The following ZNF248 variants were observed in gnomAD, a reference collection of about 807,000 sequenced individuals.
ZNF248 encodes KRAB protein domain.
ZNF248 carries 20 observed loss-of-function variants against 44.3 expected under a neutral mutation model. The ratio of observed to expected loss-of-function variants is 0.45; its 90% CI spans 0.32 to 0.66. The LOEUF (loss-of-function observed/expected upper bound fraction) is 0.66, where lower values mean the gene tolerates loss of function less well. Ranked by LOEUF, ZNF248 falls within the 30% of genes least tolerant of loss-of-function variation. The pLI is 0.04. For missense variants in ZNF248, 654 were observed against 677.0 expected, an observed-to-expected ratio of 0.97 and a Z score of 0.38; for synonymous variants, 224 against 229.0, an observed-to-expected ratio of 0.98 and a Z score of 0.20.
chr10:37,824,673 A>ATTTTTTTTTTTTTTTTTTTTT (rs755411927), downstream of ZNF248, among the ~76,000 whole-genome samples: 71 of 79,726 alleles, frequency 8.9e-4, 13 homozygotes, highest in African/African-American at 1.5e-3. Context: ...ATTATTTTAA[A>ATTTTTTTTTTTTTTTTTTTTT]TTTTTTTTTT....
chr10:37,844,458 A>G (rs1031165458), intron 3 of ZNF248, among the ~76,000 whole-genome samples: 8 of 152,216 alleles, frequency 5.3e-5, no homozygotes, highest in Non-Finnish European at 7.4e-5. Flanking sequence ...AGCATTTTGC[A>G]TTTTGTAAGT....
downstream of ZNF248, chr10:37,776,414 CTG>C (rs771381189): frequency 1.5e-5 from 6 of 389,794 alleles, no homozygotes; most frequent in Non-Finnish European, 2.3e-5. Flanking sequence ...GCTGTGCAAA[CTG>C]TCAGGCTCTG....
rs117493915 is a variant in ZNF248, at chr10:37,809,606, A to G, written c.330+23419T>C. Reference sequence around the variant, plus strand: ...AGTTAGCTCTTTTTCTGGGTCCTTAAGATGTAATGTTAGATAACTGATTTG... The same window carrying G: ...AGTTAGCTCTTTTTCTGGGTCCTTAGGATGTAATGTTAGATAACTGATTTG... On this transcript the variant is annotated intron_variant, in intron 6 of 6. Transcript: ENST00000615949. Among the ~76,000 whole-genome samples, 373 of 152,266 alleles carry G rather than the reference A, an allele frequency of 2.4e-3. 1 individual carries two copies. Among genetic ancestry groups the G allele is most frequent in the Non-Finnish European group, 4.1e-3 (280 of 68,016 alleles).
chr10:37,796,118 T>C (rs2049125794), intron 6 of ZNF248: 1 of 152,148 alleles, frequency 6.6e-6, no homozygotes, highest in African/African-American at 2.4e-5. Flanking sequence ...GATTAACTGA[T>C]ATATCTAACT....
In ZNF248 at chr10:37,829,439, T is replaced by G. The variant is rs2055026026; in HGVS notation, c.*2176A>C. The G allele has an allele frequency of 1.0e-6, 1 of 985,282 alleles. No homozygotes were observed. Among genetic ancestry groups the G allele is most frequent in the South Asian group, 4.7e-5 (1 of 21,288 alleles). 61.0% of individuals were successfully genotyped at this position (985,282 alleles called of 1,614,324 possible). The stretch of plus-strand genomic sequence containing the variant: ...TACAAACAGCCATCCCTATATTAAC[T>G]TGTGAAAAGAAATAATTCTTCCCCC... On this transcript the variant is annotated 3_prime_UTR_variant, in exon 6 of 6. Transcript: ENST00000395867.
At chr10:37,771,322 C>T in the ZNF248 span, among the ~76,000 whole-genome samples, 2 of 152,074 alleles carry the variant, frequency 1.3e-5, no homozygotes, top group Admixed American at 6.6e-5. Flanking sequence ...CACATGCACA[C>T]GTATGTTTAT....
intron 3 of ZNF248, among the ~76,000 whole-genome samples, chr10:37,846,438 G>A (rs746202468): frequency 3.2e-4 from 49 of 152,042 alleles, no homozygotes; most frequent in African/African-American, 1.1e-3. Flanking sequence ...GTTCGAGACC[G>A]GCTTGGTCAA....
intron 3 of ZNF248, among the ~76,000 whole-genome samples, chr10:37,853,496 G>GT (rs1392760612): frequency 2.0e-5 from 3 of 152,124 alleles, no homozygotes; most frequent in Non-Finnish European, 4.4e-5. Flanking sequence ...TCCTGCCTCA[G>GT]CCTCCCGAGT....
intron 6 of ZNF248, chr10:37,820,052 CATCT>C: frequency 1.2e-6 from 1 of 815,290 alleles, no homozygotes; most frequent in Non-Finnish European, 2.2e-6. Context: ...CATTGTCACA[CATCT>C]ATTTAATCAT....
chr10:37,849,838 C>CA (rs1193812939), intron 3 of ZNF248, among the ~76,000 whole-genome samples: 2 of 151,970 alleles, frequency 1.3e-5, no homozygotes, highest in Admixed American at 1.3e-4. Flanking sequence ...TTTGGAAGGC[C>CA]AAGGCATGTG....
At chr10:37,817,637 G>T (rs939353759) in intron 6 of ZNF248, among the ~76,000 whole-genome samples, 1 of 152,072 alleles carries the variant, frequency 6.6e-6, no homozygotes, top group African/African-American at 2.4e-5. Context: ...TTGCTAATAT[G>T]GGTTTCACTT....
intron 3 of ZNF248, among the ~76,000 whole-genome samples, chr10:37,842,951 G>A (rs1355616232): frequency 1.3e-5 from 2 of 152,164 alleles, no homozygotes; most frequent in Non-Finnish European, 2.9e-5. Flanking sequence ...AGGACACGAA[G>A]GCTAAAGCAA....
rs1235383597 is a variant in ZNF248 at position 37,837,646 on chromosome 10, T to A, written c.209A>T (p.Glu70Val). Reference protein sequence around the residue: ...IEQGEEPWILEKGFPSQCHPE... With the variant: ...IEQGEEPWILVKGFPSQCHPE... ...GTGGCACTGGCTTGGGAATCCTTTT[T>A]CTAATATCCAGGGCTCTTCTCCTTG... Residue 70 changes from glutamate to valine, a missense_variant, in exon 5 of 6, where the codon GAA (glutamate) becomes GTA (valine). Coordinates refer to ENST00000395867, the MANE Select transcript of ZNF248 (RefSeq NM_021045.3). The A allele has an allele frequency of 6.8e-6, 11 of 1,613,984 alleles. No individual in the cohort carries two copies. Among genetic ancestry groups the A allele is most frequent in the Non-Finnish European group, 9.3e-6 (11 of 1,180,028 alleles).
chr10:37,779,321 C>A (rs1323108871), intron 6 of ZNF248, among the ~76,000 whole-genome samples: 2 of 152,172 alleles, frequency 1.3e-5, no homozygotes, highest in African/African-American at 4.8e-5. Flanking sequence ...CCACCATGAT[C>A]AAGTGGGCAT....
chr10:37,842,816 T>G (rs1015072850), intron 3 of ZNF248, among the ~76,000 whole-genome samples: 1 of 152,102 alleles, frequency 6.6e-6, no homozygotes, highest in Non-Finnish European at 1.5e-5. Flanking sequence ...AATTTGGGCT[T>G]TCAAAAAACC....
chr10:37,825,390 A>C (rs990671795), downstream of ZNF248, among the ~76,000 whole-genome samples: 2 of 151,112 alleles, frequency 1.3e-5, no homozygotes, highest in Non-Finnish European at 2.9e-5. Flanking sequence ...TTTTTTTAAC[A>C]AAAAAAAGAA....
chr10:37,773,329 A>G (rs1398098850), downstream of ZNF248, among the ~76,000 whole-genome samples: 4 of 152,212 alleles, frequency 2.6e-5, no homozygotes, highest in Non-Finnish European at 5.9e-5. Flanking sequence ...AGTATCCTCA[A>G]TTATACTCAA....
chr10:37,827,211 A>G (rs1223101443), downstream of ZNF248, among the ~76,000 whole-genome samples: 1 of 152,200 alleles, frequency 6.6e-6, no homozygotes, highest in Non-Finnish European at 1.5e-5. Context: ...GCAAGCCTTT[A>G]CTAGGGGTCT....
chr10:37,822,656 G>A (rs1265132719), intron 6 of ZNF248, among the ~76,000 whole-genome samples: 1 of 150,614 alleles, frequency 6.6e-6, no homozygotes, highest in Admixed American at 6.6e-5. Context: ...TTGATCAGGG[G>A]TGTCCAATCT....
Sources: allele counts gnomAD v4.1 joint callset (sites outside exome capture counted in the v4.1 genomes callset), GRCh38; gene constraint gnomAD v4.1.1; transcripts MANE v1.5; gene names NCBI Gene and HGNC (gene_info 2026-07-23, HGNC 2026-07-21).